The following ZNF483 variants were observed in gnomAD, a reference collection of about 807,000 sequenced individuals.
ZNF483 encodes the protein zinc finger protein 483.
A neutral mutation model predicts 28.6 loss-of-function variants in ZNF483; 9 were observed. The ratio of observed to expected loss-of-function variants is 0.32; its 90% CI spans 0.19 to 0.55. ZNF483 has a LOEUF of 0.55. ZNF483 is among the 20% of genes least tolerant of loss of function. The pLI, the probability that ZNF483 is intolerant of heterozygous loss-of-function variation, is 0.93. For missense variants in ZNF483, 675 were observed against 871.7 expected, an observed-to-expected ratio of 0.77 and a Z score of 2.84; for synonymous variants, 322 against 306.2, an observed-to-expected ratio of 1.05 and a Z score of -0.54.
In ZNF483 at chr9:111,527,449, A is replaced by G; in HGVS notation, c.54A>G (p.Gln18=). ...TGACAGCCATCTCACCAGAACCTCA[A>G]ACTCTGGCCTCGACTGAACAAAATG... The part of the protein sequence containing the change: ...NKMTAISPEP[Q]TLASTEQNEV... Residue 18 remains glutamine (Q), a synonymous_variant, in exon 2 of 6, where the codon CAA becomes CAG. Transcript: ENST00000309235. The G allele has an allele frequency of 1.2e-6, 2 of 1,614,138 alleles. No individual in the cohort carries two copies. The highest frequency in any genetic ancestry group is 1.7e-6 in the Non-Finnish European group (2 of 1,180,016).
Position 111,538,484 on chromosome 9 carries a change from C to T in ZNF483, c.722-3173C>T, listed in dbSNP as rs529614622. On this transcript the variant is annotated intron_variant, in intron 5 of 5. Transcript: ENST00000309235. ...CAGCCTGGATGACAGAACAAGACCC[C>T]ATCTCTTAGAAAAAAAAAAAAACCA... 3.6e-5 allele frequency among the ~76,000 whole-genome samples: 5 copies of T among 139,122 alleles called. No individual in the cohort carries two copies. The East Asian group carries it at 9.8e-4, about 27-fold the overall frequency. 91.3% of individuals were successfully genotyped at this position (139,122 alleles called of 152,430 possible).
intron 3 of ZNF483, among the ~76,000 whole-genome samples, chr9:111,531,765 T>G (rs1827352847): frequency 6.6e-6 from 1 of 152,200 alleles, no homozygotes; most frequent in East Asian, 1.9e-4. Flanking sequence ...CACTGCAACC[T>G]TGAAGTCCTG....
chr9:111,570,288 A>T, intron 5 of ZNF483: 2 of 1,516,682 alleles, frequency 1.3e-6, no homozygotes, highest in Non-Finnish European at 1.8e-6. Context: ...GGTCACTGTC[A>T]CTGTGCTTGG....
At chr9:111,557,180 A>C (rs952931386), downstream of ZNF483, among the ~76,000 whole-genome samples, 35 of 152,028 alleles carry the variant, frequency 2.3e-4, no homozygotes, top group African/African-American at 8.0e-4. Flanking sequence ...TACCACATGG[A>C]ATGGCTAACG....
At chr9:111,560,162 A>G (rs1308766220), downstream of ZNF483, among the ~76,000 whole-genome samples, 1 of 151,788 alleles carries the variant, frequency 6.6e-6, no homozygotes, top group African/African-American at 2.4e-5. Flanking sequence ...CCTGGCCAAC[A>G]TGGCAATACC....
intron 5 of ZNF483, among the ~76,000 whole-genome samples, chr9:111,536,421 A>T (rs963013907): frequency 2.0e-5 from 3 of 152,014 alleles, no homozygotes; most frequent in Admixed American, 2.0e-4. Context: ...GCTACTCTGG[A>T]GGCTGAGGCA....
In ZNF483 at chr9:111,545,140, T is replaced by C. The variant is rs62569886; in HGVS notation, c.*1970T>C. Among the ~76,000 whole-genome samples the C allele has an allele frequency of 4.6e-3, 708 of 152,330 alleles. 5 individuals are homozygous for C. The highest frequency in any genetic ancestry group is 0.02 in the South Asian group (95 of 4,822). ...TGTGATAAATTGGTCCGCATAGTTA[T>C]TGCTAAGCAGACCAACGAATCACAT... On this transcript the variant is annotated 3_prime_UTR_variant, in exon 6 of 6. Coordinates refer to ENST00000309235, the MANE Select transcript of ZNF483 (RefSeq NM_133464.5).
At position 111,549,662 on chromosome 9, in the gene ZNF483, G is replaced by T; in HGVS notation, c.*6492G>T. ...CGTGGTGGTGGTGGCAGCGGCAGCA[G>T]GGTTCCCCATTGATTTTCTAAATGT... On this transcript the variant is annotated 3_prime_UTR_variant, in exon 6 of 6. Coordinates refer to ENST00000309235, the MANE Select transcript of ZNF483 (RefSeq NM_133464.5). The T allele has an allele frequency of 6.9e-7, 1 of 1,441,182 alleles. No homozygotes were observed. The highest frequency in any genetic ancestry group is 1.3e-5 in the South Asian group (1 of 78,460). The allele number at this position is 1,441,182 out of a possible 1,614,324, so 89.3% of individuals were successfully genotyped here.
At chr9:111,537,976 C>G (rs548215604) in intron 5 of ZNF483, among the ~76,000 whole-genome samples, 24 of 152,246 alleles carry the variant, frequency 1.6e-4, no homozygotes, top group Non-Finnish European at 3.4e-4. Context: ...TTTCTCTTGA[C>G]TGTGAATGAC....
chr9:111,535,481 AGT>A (rs1389403713), intron 5 of ZNF483, among the ~76,000 whole-genome samples: 1 of 152,240 alleles, frequency 6.6e-6, no homozygotes, highest in Admixed American at 6.5e-5. Flanking sequence ...GAATACATAG[AGT>A]ATATGGATTT....
At chr9:111,563,190 T>C (rs776584363) in intron 5 of ZNF483, 2 of 1,613,892 alleles carry the variant, frequency 1.2e-6, no homozygotes, top group African/African-American at 2.7e-5. Flanking sequence ...CTGGCATGTT[T>C]TCAAATCCTT....
rs1348130199 is a variant in ZNF483 at position 111,542,272 on chromosome 9, A to T, written c.1337A>T (p.Lys446Ile). 6.2e-7 allele frequency: 1 copy of T among 1,614,210 alleles called. No individual in the cohort carries two copies. The highest frequency in any genetic ancestry group is 1.3e-5 in the African/African-American group (1 of 75,070). The change falls in exon 6 of 6, where the codon AAA becomes ATA. Residue 446 changes from lysine to isoleucine, a missense_variant. Around this residue, in one of 6 missense-constraint regions of ZNF483, gnomAD observed 525 missense variants for 581.8 expected, o/e 0.90. Transcript: ENST00000309235. The surrounding 1 kb of genome is among the most constrained non-coding windows in gnomAD (Gnocchi z 6.2). ...ACTCATAAATGTAGTAAGTGTGGAA[A>T]AGCCTTTGGCTATAGCGCCTCACTC... ...EKTHKCSKCG[K>I]AFGYSASLTK... is the part of the protein sequence containing the mutation.
chr9:111,527,407 A>G lies in ZNF483; in HGVS notation c.12A>G (p.Val4=). 6.2e-7 allele frequency: 1 copy of G among 1,613,430 alleles called. No individual in the cohort carries two copies. Among genetic ancestry groups the G allele is most frequent in the Non-Finnish European group, 8.5e-7 (1 of 1,179,930 alleles). Residue 4 remains valine (V), a synonymous_variant, in exon 2 of 6, where the codon GTA becomes GTG. Transcript: ENST00000309235. ...GCCCCTGAGACACAATGCAAGCTGT[A>G]GTGCCCTTGAACAAGATGACAGCCA... MQA[V]VPLNKMTAIS...
chr9:111,573,006 G>A (rs1262131258), intron 5 of ZNF483, among the ~76,000 whole-genome samples: 2 of 152,088 alleles, frequency 1.3e-5, no homozygotes, highest in Non-Finnish European at 1.5e-5. Flanking sequence ...TCCTAACAGT[G>A]GAATATGTTA....
downstream of ZNF483, among the ~76,000 whole-genome samples, chr9:111,559,831 G>C (rs145608129): frequency 6.6e-6 from 1 of 152,092 alleles, no homozygotes; most frequent in East Asian, 1.9e-4. Context: ...AGAGGACACG[G>C]GCAGTGACTT....
chr9:111,533,715 C>A, intron 3 of ZNF483, 24 bp from the exon 4 acceptor site: 1 of 1,536,662 alleles, frequency 6.5e-7, no homozygotes, highest in South Asian at 1.3e-5. Flanking sequence ...TAATCCAATA[C>A]AAAAGAGCTG....
At chr9:111,528,778 T>G (rs1827244694) in intron 2 of ZNF483, among the ~76,000 whole-genome samples, 1 of 152,172 alleles carries the variant, frequency 6.6e-6, no homozygotes, top group Admixed American at 6.5e-5. Flanking sequence ...GTTTCCTGAC[T>G]CCTCTGTGAT....
chr9:111,574,981 A>G, intron 5 of ZNF483: 1 of 638,158 alleles, frequency 1.6e-6, no homozygotes, highest in South Asian at 2.1e-5. Context: ...AGTGCAGAAG[A>G]CTGCAGTTAG....
chr9:111,574,543 T>C lies in ZNF483; in HGVS notation c.722-1822T>C, dbSNP rs1188174253. The C allele has an allele frequency of 1.0e-5, 4 of 381,030 alleles. No homozygotes were observed. The East Asian group carries it at 1.4e-4, about 14-fold the overall frequency. 23.6% of individuals were successfully genotyped at this position (381,030 alleles called of 1,614,324 possible). ...TTTGTATTTTTTGTAGAGACGGCAT[T>C]TTGCCATGTTGCCCAGGATGGTCTC... On this transcript the variant is annotated intron_variant, in intron 5 of 5. Transcript: ENST00000358151.
Sources: gnomAD v4.1 joint callset for allele counts (sites outside exome capture counted in the v4.1 genomes callset) on GRCh38, gnomAD v4.1.1 for gene constraint, gnomAD v4.1.1 regional missense constraint, Gnocchi (gnomAD v3.1) non-coding constraint, MANE v1.5 for transcripts, NCBI Gene and HGNC (gene_info 2026-07-23, HGNC 2026-07-21) for gene names.